Variants in SLC7A2 observed in about 807,000 individuals in gnomAD.
SLC7A2 encodes solute carrier family 7 member 2, also known as cationic amino acid transporter 2.
In SLC7A2, 48 loss-of-function variants were observed where a neutral mutation model predicts 58.9. That is an observed-to-expected ratio of 0.82 (90% CI 0.65 to 1.04). The LOEUF (loss-of-function observed/expected upper bound fraction) is 1.04, where lower values mean the gene tolerates loss of function less well. Ranked by LOEUF, SLC7A2 falls within the 50% of genes least tolerant of loss-of-function variation. SLC7A2 has a pLI of 0.00. For synonymous variants in SLC7A2, 363 were observed against 314.5 expected (o/e 1.15, Z -1.63); for missense variants, 1,029 against 818.8 (o/e 1.26, Z -3.13).
At chr8:17,543,193 CACACACACACACACACACACACAA>C (rs1801990946) in intron 2 of SLC7A2, 101 bp from the exon 3 acceptor site, 2 of 425,436 alleles carry the variant, frequency 4.7e-6, no homozygotes, top group Non-Finnish European at 7.9e-6. Flanking sequence ...AAGTGAAACA[CACACACACACACACACACACACAA>C]ACACACACAC....
At chr8:17,524,423 C>T (rs879691042) in intron 2 of SLC7A2, among the ~76,000 whole-genome samples, 58,193 of 123,412 alleles carry the variant, frequency 0.47, 12,240 homozygotes, top group Middle Eastern at 0.56. Context: ...TGTGTGTGTA[C>T]ACACACACAC....
chr8:17,501,168 C>G (rs921872583), intron 1 of SLC7A2, among the ~76,000 whole-genome samples: 9 of 152,020 alleles, frequency 5.9e-5, no homozygotes, highest in African/African-American at 2.2e-4. Context: ...CGTGTGCCAC[C>G]ATGTTCGGCT....
chr8:17,503,386 A>G (rs182552615), intron 2 of SLC7A2, among the ~76,000 whole-genome samples: 1 of 152,102 alleles, frequency 6.6e-6, no homozygotes, highest in South Asian at 2.1e-4. Flanking sequence ...TATGCTTCAG[A>G]AGGGTGGCTT....
chr8:17,567,028 T>C lies in SLC7A2; in HGVS notation c.*1882T>C, dbSNP rs1471506408. 6.6e-6 allele frequency: 1 copy of C among 152,664 alleles called. No homozygotes were observed. The highest frequency in any genetic ancestry group is 1.5e-5 in the Non-Finnish European group (1 of 68,030). 9.5% of individuals were successfully genotyped at this position (152,664 alleles called of 1,614,324 possible). A position where few individuals can be genotyped will look rare whatever the true frequency, so the allele number is the denominator to read the frequency against. Reference sequence around the variant, plus strand: ...GAAACAGGTAGAAAGCCTGGGTTTCTGGCTGCTAGCGTTATAGCATCCATG... The same window carrying C: ...GAAACAGGTAGAAAGCCTGGGTTTCCGGCTGCTAGCGTTATAGCATCCATG... On this transcript the variant is annotated 3_prime_UTR_variant, in exon 13 of 13. Transcript: ENST00000494857.
chr8:17,513,151 C>T (rs1456998783), intron 2 of SLC7A2, among the ~76,000 whole-genome samples: 1 of 152,140 alleles, frequency 6.6e-6, no homozygotes. Flanking sequence ...ACCCTGCTTT[C>T]AGTTTTTTTG....
At chr8:17,516,464 T>G (rs1438325987) in intron 2 of SLC7A2, among the ~76,000 whole-genome samples, 1 of 152,180 alleles carries the variant, frequency 6.6e-6, no homozygotes, top group Non-Finnish European at 1.5e-5. Flanking sequence ...CCTCAGGTGA[T>G]GCACCCACCT....
intron 2 of SLC7A2, among the ~76,000 whole-genome samples, chr8:17,516,371 G>A (rs1178562061): frequency 6.6e-6 from 1 of 152,048 alleles, no homozygotes; most frequent in Non-Finnish European, 1.5e-5. Flanking sequence ...GATTACAGGT[G>A]CACCACCACA....
At chr8:17,535,151 C>A (rs1223706455) in intron 2 of SLC7A2, among the ~76,000 whole-genome samples, 2 of 152,278 alleles carry the variant, frequency 1.3e-5, no homozygotes, top group South Asian at 4.1e-4. Flanking sequence ...GTTCAAGCTC[C>A]TTGCATGGCC....
chr8:17,516,487 G>A (rs1218922922), intron 2 of SLC7A2, among the ~76,000 whole-genome samples: 3 of 152,224 alleles, frequency 2.0e-5, no homozygotes, highest in Admixed American at 6.5e-5. Context: ...GCCACCCAAA[G>A]AGCTGGGATG....
intron 6 of SLC7A2, among the ~76,000 whole-genome samples, chr8:17,551,229 TCTC>T (rs751342569): frequency 1.3e-5 from 2 of 152,190 alleles, no homozygotes; most frequent in Non-Finnish European, 2.9e-5. Context: ...TGGCATGACT[TCTC>T]CTCTTCTCCC....
intron 12 of SLC7A2, 123 bp from the exon 13 acceptor site, chr8:17,564,827 C>A: frequency 2.4e-6 from 2 of 826,136 alleles, no homozygotes; most frequent in Non-Finnish European, 3.7e-6. Flanking sequence ...GACCCCCGTT[C>A]TAAAGTACTA....
intron 4 of SLC7A2, among the ~76,000 whole-genome samples, chr8:17,548,083 G>C (rs74463688): frequency 0.088 from 13,358 of 152,218 alleles, 707 homozygotes; most frequent in East Asian, 0.23. Context: ...TTAAGTGCCT[G>C]TAATTCCAGT....
At chr8:17,536,903 C>T (rs1801689666) in intron 2 of SLC7A2, among the ~76,000 whole-genome samples, 1 of 152,098 alleles carries the variant, frequency 6.6e-6, no homozygotes, top group Admixed American at 6.5e-5. Flanking sequence ...GTGTCCAAAC[C>T]ATGTCGGGGA....
rs1322479873 is a variant in SLC7A2 at position 17,543,720 on chromosome 8, G to A, written c.376+5G>A. 6.6e-7 allele frequency: 1 copy of A among 1,513,052 alleles called. No homozygotes were observed. The highest frequency in any genetic ancestry group is 1.4e-5 in the South Asian group (1 of 73,970). The allele number at this position is 1,513,052 out of a possible 1,614,324, so 93.7% of individuals were successfully genotyped here. A position where few individuals can be genotyped will look rare whatever the true frequency, so the allele number is the denominator to read the frequency against. On this transcript the variant is annotated splice_donor_5th_base_variant and intron_variant, in intron 3 of 12. Coordinates refer to ENST00000494857, the MANE Select transcript of SLC7A2 (RefSeq NM_001370338.1). ...TCATTTTATCGTATGTGATAGGTAT[G>A]TTTCAAAAAGAAATCTAACTTGTGT... is the stretch of plus-strand genomic sequence containing the variant.
At chr8:17,551,541 T>C (rs1037483177) in intron 6 of SLC7A2, among the ~76,000 whole-genome samples, 7 of 151,952 alleles carry the variant, frequency 4.6e-5, no homozygotes, top group African/African-American at 1.7e-4. Context: ...GAGGTTGCAG[T>C]GAGTCAAGAT....
Position 17,560,406 on chromosome 8 carries a change from C to T in SLC7A2, c.1377C>T (p.Thr459=). ...GTCTGGGATCGTCTCCCAGGGTAACCTCGAAGAGTGAGTCCCAGGTCACCA... is the reference window on the plus strand; with the variant it reads ...GTCTGGGATCGTCTCCCAGGGTAACTTCGAAGAGTGAGTCCCAGGTCACCA... The part of the protein sequence containing the change: ...KDGLGSSPRV[T]SKSESQVTML... The change falls in exon 10 of 13, where the codon ACC becomes ACT. Residue 459 remains threonine, a synonymous_variant. Transcript: ENST00000494857. The T allele has an allele frequency of 6.2e-7, 1 of 1,614,146 alleles. No individual in the cohort carries two copies. The highest frequency in any genetic ancestry group is 8.5e-7 in the Non-Finnish European group (1 of 1,179,998).
At chr8:17,535,630 C>T (rs1801631616) in intron 2 of SLC7A2, among the ~76,000 whole-genome samples, 1 of 152,128 alleles carries the variant, frequency 6.6e-6, no homozygotes, top group Non-Finnish European at 1.5e-5. Context: ...TGGCCGGGCG[C>T]GGTGGCTTAC....
chr8:17,534,224 G>A (rs1402341538), intron 2 of SLC7A2, among the ~76,000 whole-genome samples: 1 of 152,166 alleles, frequency 6.6e-6, no homozygotes, highest in Non-Finnish European at 1.5e-5. Context: ...AGGTCTTTGG[G>A]ATTTCCTTGG....
upstream of SLC7A2, among the ~76,000 whole-genome samples, chr8:17,495,107 G>A (rs1799925151): frequency 6.6e-6 from 1 of 152,164 alleles, no homozygotes; most frequent in African/African-American, 2.4e-5. Flanking sequence ...AATTGCTTAA[G>A]TTTAAAAATA....
Sources: allele counts gnomAD v4.1 joint callset (sites outside exome capture counted in the v4.1 genomes callset), GRCh38; gene constraint gnomAD v4.1.1; transcripts MANE v1.5; gene names NCBI Gene and HGNC (gene_info 2026-07-23, HGNC 2026-07-21).